ADAMTS20: variants seen among roughly 807,000 people sequenced by gnomAD.
ADAMTS20 encodes the protein A disintegrin and metalloproteinase with thrombospondin motifs 20.
In ADAMTS20, 225 loss-of-function variants were observed where a neutral mutation model predicts 260.1. The observed-to-expected ratio is 0.87, with a 90% CI of 0.78 to 0.97. The LOEUF is 0.97. Among genes scored for constraint, ADAMTS20 ranks in the 50% least tolerant of loss-of-function variants. The probability of loss-of-function intolerance (pLI) is 0.00; values close to 1 mark genes in which losing one functional copy is unlikely to be tolerated. For missense variants in ADAMTS20, 2,400 were observed against 2,337.7 expected, an observed-to-expected ratio of 1.03 and a Z score of -0.55; for synonymous variants, 802 against 769.5, an observed-to-expected ratio of 1.04 and a Z score of -0.70.
intron 28 of ADAMTS20, among the ~76,000 whole-genome samples, chr12:43,421,567 C>T (rs1297412229): frequency 6.6e-6 from 1 of 151,838 alleles, no homozygotes; most frequent in Non-Finnish European, 1.5e-5. Flanking sequence ...ACGTAATGTC[C>T]CTTACTATAT....
chr12:43,471,920 G>A (rs1441986153), intron 7 of ADAMTS20, among the ~76,000 whole-genome samples: 5 of 145,174 alleles, frequency 3.4e-5, no homozygotes, highest in East Asian at 2.1e-4. Flanking sequence ...ACTCTAAAAC[G>A]CAGAGCGCCT....
chr12:43,452,463 T>A, intron 13 of ADAMTS20, 51 bp downstream of exon 13: 2 of 1,606,738 alleles, frequency 1.2e-6, no homozygotes, highest in South Asian at 1.1e-5. Flanking sequence ...AAGCTATGTG[T>A]TCTTACGTCT....
intron 16 of ADAMTS20, among the ~76,000 whole-genome samples, chr12:43,440,933 C>A (rs1196485083): frequency 6.6e-6 from 1 of 151,952 alleles, no homozygotes; most frequent in Non-Finnish European, 1.5e-5. Flanking sequence ...GGCGTACTGG[C>A]GGGCGCCTGT....
intron 3 of ADAMTS20, among the ~76,000 whole-genome samples, chr12:43,517,111 A>G (rs1419693413): frequency 3.9e-5 from 6 of 152,094 alleles, no homozygotes; most frequent in African/African-American, 1.4e-4. Flanking sequence ...CAAACATTAT[A>G]TGTATTAGAA....
At chr12:43,381,649 C>T (rs1426959783) in intron 31 of ADAMTS20, among the ~76,000 whole-genome samples, 1 of 148,466 alleles carries the variant, frequency 6.7e-6, no homozygotes, top group Non-Finnish European at 1.5e-5. Context: ...GAGATGGTGG[C>T]ACATGGCTGT....
Position 43,480,250 on chromosome 12 carries a change from G to A in ADAMTS20, c.1117+10145C>T, listed in dbSNP as rs376633860. On this transcript the variant is annotated intron_variant, in intron 7 of 38. Coordinates refer to ENST00000389420, the MANE Select transcript of ADAMTS20 (RefSeq NM_025003.5). ...ATTAGAAAACTACACTAAAAGAGAG[G>A]AAAATTACAGGCCATCTTCACTCCT... Among the ~76,000 whole-genome samples, 21 of 152,166 alleles carry A rather than the reference G, an allele frequency of 1.4e-4. No homozygotes were observed. In the East Asian group the frequency reaches 2.9e-3, roughly 21 times the overall value.
chr12:43,499,249 A>G (rs1370209347), intron 4 of ADAMTS20, among the ~76,000 whole-genome samples: 1 of 152,184 alleles, frequency 6.6e-6, no homozygotes, highest in East Asian at 1.9e-4. Flanking sequence ...GACTGCGTCT[A>G]TAAAAATTCT....
chr12:43,488,711 ATGTGCAT>A (rs1207835765), intron 7 of ADAMTS20, among the ~76,000 whole-genome samples: 1 of 152,184 alleles, frequency 6.6e-6, no homozygotes, highest in East Asian at 1.9e-4. Context: ...TAAATAAACA[ATGTGCAT>A]AGTGTATTGT....
intron 7 of ADAMTS20, among the ~76,000 whole-genome samples, chr12:43,471,048 T>A (rs1003321260): frequency 1.3e-5 from 2 of 151,880 alleles, no homozygotes; most frequent in Non-Finnish European, 2.9e-5. Context: ...AGAAGACGGG[T>A]GATTTCTGCA....
Position 43,551,291 on chromosome 12 carries a change from C to T in ADAMTS20, c.92-21G>A, listed in dbSNP as rs766164079. 1.9e-6 allele frequency: 3 copies of T among 1,600,240 alleles called. No homozygotes were observed. Among genetic ancestry groups the T allele is most frequent in the South Asian group, 2.2e-5 (2 of 89,472 alleles). On this transcript the variant is annotated intron_variant, in intron 1 of 38. Transcript: ENST00000389420. The surrounding 1 kb of genome is among the most constrained non-coding windows in gnomAD (Gnocchi z 4.6). ...GGCTTCTGCAACAACAGCGACAGGACCAGTGAGCTCCCACGCGTTCCTCAT... is the reference window on the plus strand; with the variant it reads ...GGCTTCTGCAACAACAGCGACAGGATCAGTGAGCTCCCACGCGTTCCTCAT...
intron 29 of ADAMTS20, among the ~76,000 whole-genome samples, chr12:43,386,471 G>T (rs939592093): frequency 2.0e-5 from 3 of 152,038 alleles, no homozygotes; most frequent in Non-Finnish European, 4.4e-5. Flanking sequence ...TCTTGGGGTT[G>T]CTTTTCTCCA....
intron 2 of ADAMTS20, among the ~76,000 whole-genome samples, chr12:43,549,044 A>G (rs1330192366): frequency 1.3e-5 from 2 of 152,062 alleles, no homozygotes; most frequent in East Asian, 1.9e-4. Context: ...TGTAATTTCT[A>G]GTAATCCCTC....
chr12:43,372,110 G>A (rs1940120825), intron 36 of ADAMTS20, among the ~76,000 whole-genome samples: 1 of 152,110 alleles, frequency 6.6e-6, no homozygotes. Context: ...GGAGGTTAGG[G>A]TAGCAATCCA....
chr12:43,470,173 T>C (rs1942228903), intron 7 of ADAMTS20, among the ~76,000 whole-genome samples: 1 of 152,228 alleles, frequency 6.6e-6, no homozygotes, highest in African/African-American at 2.4e-5. Context: ...CATCTTATTA[T>C]ATGTTTCTCT....
intron 4 of ADAMTS20, among the ~76,000 whole-genome samples, chr12:43,494,406 C>G (rs751023227): frequency 6.6e-6 from 1 of 152,218 alleles, no homozygotes; most frequent in Non-Finnish European, 1.5e-5. Context: ...CTACCAATGT[C>G]TCTTGTGCCA....
chr12:43,501,461 ACGCGCG>A (rs3036316), intron 4 of ADAMTS20, among the ~76,000 whole-genome samples: 30,115 of 131,098 alleles, frequency 0.23, 3,470 homozygotes, highest in Middle Eastern at 0.35. Context: ...GGAGGGGGAT[ACGCGCG>A]CGCGCGCGCG....
rs572090303 is a variant in ADAMTS20 at position 43,415,619 on chromosome 12, GCTA to G, written c.4284+9892_4284+9894del. On this transcript the variant is annotated intron_variant, in intron 28 of 38. Coordinates refer to ENST00000389420, the MANE Select transcript of ADAMTS20 (RefSeq NM_025003.5). Reference sequence around the variant, plus strand: ...CCTTAAAAAATACCCTCCTTAGTGAGCTACTATTTTCATTCTAAGAAAATGAAA... The same window carrying G: ...CCTTAAAAAATACCCTCCTTAGTGAGCTATTTTCATTCTAAGAAAATGAAA... 1.1e-3 allele frequency among the ~76,000 whole-genome samples: 168 copies of G among 152,134 alleles called. 3 individuals carry two copies. The highest frequency in any genetic ancestry group is 3.8e-3 in the African/African-American group (159 of 41,502).
chr12:43,501,244 G>A (rs1303992056), intron 4 of ADAMTS20, among the ~76,000 whole-genome samples: 2 of 151,628 alleles, frequency 1.3e-5, no homozygotes, highest in African/African-American at 4.8e-5. Context: ...ATTTTTAGTA[G>A]AGATGATGTT....
At chr12:43,393,449 A>G (rs1200307256) in intron 29 of ADAMTS20, among the ~76,000 whole-genome samples, 3 of 151,996 alleles carry the variant, frequency 2.0e-5, no homozygotes, top group Non-Finnish European at 4.4e-5. Flanking sequence ...TGCTTTAAAG[A>G]CTTGAGAGTG....
Sources: gnomAD v4.1 joint callset for allele counts (sites outside exome capture counted in the v4.1 genomes callset) on GRCh38, gnomAD v4.1.1 for gene constraint, Gnocchi (gnomAD v3.1) non-coding constraint, MANE v1.5 for transcripts, NCBI Gene and HGNC (gene_info 2026-07-23, HGNC 2026-07-21) for gene names.